Variants in ROBO2 observed in about 807,000 individuals in gnomAD.
ROBO2 encodes the protein roundabout homolog 2.
ROBO2 carries 53 observed loss-of-function variants against 160.8 expected under a neutral mutation model. That is an observed-to-expected ratio of 0.33 (90% CI 0.26 to 0.41). The LOEUF (loss-of-function observed/expected upper bound fraction) is 0.41, where lower values mean the gene tolerates loss of function less well. Ranked by LOEUF, ROBO2 falls within the 10% of genes least tolerant of loss-of-function variation. The pLI, the probability that ROBO2 is intolerant of heterozygous loss-of-function variation, is 1.00. For synonymous variants in ROBO2, 664 were observed against 611.7 expected (o/e 1.09, Z -1.26); for missense variants, 1,577 against 1,722.4 (o/e 0.92, Z 1.49).
chr3:77,483,432 A>G (rs1401051394), intron 4 of ROBO2, among the ~76,000 whole-genome samples: 1 of 152,012 alleles, frequency 6.6e-6, no homozygotes, highest in African/African-American at 2.4e-5. Context: ...TCCTACATCT[A>G]ATACACATTT....
intron 2 of ROBO2, among the ~76,000 whole-genome samples, chr3:75,959,273 G>T (rs995173506): frequency 4.0e-5 from 6 of 151,528 alleles, no homozygotes; most frequent in Non-Finnish European, 8.9e-5. Flanking sequence ...ATTCCCATAC[G>T]TGTTAAAATT....
chr3:77,143,623 C>T (rs1368753633), intron 2 of ROBO2, among the ~76,000 whole-genome samples: 2 of 152,142 alleles, frequency 1.3e-5, no homozygotes, highest in African/African-American at 4.8e-5. Flanking sequence ...AGTGCCTCTT[C>T]TTTTAGCTGT....
intron 2 of ROBO2, among the ~76,000 whole-genome samples, chr3:77,342,971 G>T (rs138478467): frequency 5.9e-4 from 90 of 152,122 alleles, no homozygotes; most frequent in African/African-American, 2.1e-3. Context: ...GTACAGGCAC[G>T]GTCAGGTTCT....
intron 2 of ROBO2, among the ~76,000 whole-genome samples, chr3:76,888,659 A>G (rs958899759): frequency 2.0e-5 from 3 of 152,162 alleles, no homozygotes; most frequent in Non-Finnish European, 2.9e-5. Flanking sequence ...ATGACATCGT[A>G]GTCTTTACCA....
At chr3:76,728,980 G>T (rs1485754611) in intron 2 of ROBO2, among the ~76,000 whole-genome samples, 2 of 151,474 alleles carry the variant, frequency 1.3e-5, no homozygotes, top group African/African-American at 2.4e-5. Flanking sequence ...CTCTGTCTCT[G>T]CCTCTCTCTA....
At chr3:77,475,709 A>G (rs1367365499) in intron 2 of ROBO2, among the ~76,000 whole-genome samples, 1 of 152,212 alleles carries the variant, frequency 6.6e-6, no homozygotes, top group East Asian at 1.9e-4. Flanking sequence ...TTCTGTATTT[A>G]GAATATAAAT....
intron 2 of ROBO2, among the ~76,000 whole-genome samples, chr3:76,505,064 A>T: frequency 6.6e-6 from 1 of 152,246 alleles, no homozygotes; most frequent in East Asian, 1.9e-4. Context: ...TGAAAAGGAG[A>T]GAAAGAAGAA....
At chr3:76,238,754 C>T (rs1404311742) in intron 2 of ROBO2, among the ~76,000 whole-genome samples, 4 of 151,908 alleles carry the variant, frequency 2.6e-5, no homozygotes, top group East Asian at 1.9e-4. Flanking sequence ...ATGAGGAAAA[C>T]CACCTCCATG....
intron 2 of ROBO2, among the ~76,000 whole-genome samples, chr3:77,319,049 C>T (rs1276121158): frequency 2.0e-5 from 3 of 152,122 alleles, no homozygotes; most frequent in Non-Finnish European, 2.9e-5. Flanking sequence ...TTAGTCTGTG[C>T]TCCTTACCCA....
intron 2 of ROBO2, among the ~76,000 whole-genome samples, chr3:76,828,166 T>G (rs2066744021): frequency 6.6e-6 from 1 of 152,188 alleles, no homozygotes; most frequent in South Asian, 2.1e-4. Flanking sequence ...GCTTGCTTTG[T>G]GCCTTTGGAT....
intron 22 of ROBO2, among the ~76,000 whole-genome samples, chr3:77,619,912 T>C (rs978849202): frequency 3.9e-5 from 6 of 152,212 alleles, no homozygotes; most frequent in Non-Finnish European, 8.8e-5. Context: ...ACTTATATAC[T>C]ACTGTCCCTG....
chr3:76,964,517 T>A (rs973944103), intron 2 of ROBO2, among the ~76,000 whole-genome samples: 2 of 151,954 alleles, frequency 1.3e-5, no homozygotes, highest in African/African-American at 4.8e-5. Flanking sequence ...TAATTTTTTG[T>A]AGTTTTTAGT....
intron 2 of ROBO2, among the ~76,000 whole-genome samples, chr3:76,969,245 A>C (rs186433212): frequency 6.6e-6 from 1 of 152,332 alleles, no homozygotes; most frequent in East Asian, 1.9e-4. Flanking sequence ...AAAAGTTAAA[A>C]GATTCCTTAT....
chr3:76,925,271 G>T (rs2076924522), intron 2 of ROBO2, among the ~76,000 whole-genome samples: 1 of 149,398 alleles, frequency 6.7e-6, no homozygotes, highest in Non-Finnish European at 1.5e-5. Context: ...ATAAATATTT[G>T]TTGGATAGAT....
intron 2 of ROBO2, among the ~76,000 whole-genome samples, chr3:77,204,986 C>G (rs879743167): frequency 6.6e-6 from 1 of 152,208 alleles, no homozygotes; most frequent in Admixed American, 6.5e-5. Context: ...GGAGCACAGA[C>G]CGGCAGGTGC....
At chr3:77,339,598 T>C (rs937972308) in intron 2 of ROBO2, among the ~76,000 whole-genome samples, 12 of 152,056 alleles carry the variant, frequency 7.9e-5, no homozygotes, top group Non-Finnish European at 2.9e-5. Flanking sequence ...AAAAGTTGTT[T>C]TGTTTGGTTT....
intron 2 of ROBO2, among the ~76,000 whole-genome samples, chr3:77,131,554 C>T (rs2075855655): frequency 1.3e-5 from 2 of 152,014 alleles, no homozygotes; most frequent in Admixed American, 1.3e-4. Flanking sequence ...ATTGGAGATC[C>T]TTAGGAGATA....
intron 2 of ROBO2, among the ~76,000 whole-genome samples, chr3:76,162,779 C>T (rs1390033974): frequency 6.6e-6 from 1 of 151,982 alleles, no homozygotes; most frequent in Non-Finnish European, 1.5e-5. Flanking sequence ...CATGTGTATA[C>T]TTTTGTATAT....
In ROBO2 at chr3:76,787,328, C is replaced by CCACACACACACACA. The variant is rs60806662; in HGVS notation, c.110-310661_110-310648dup. On this transcript the variant is annotated intron_variant, in intron 2 of 26. Transcript: ENST00000487694. ...TTTCCAGTCATTAAATGTAAACACACCACACACACACACACACACACACAC... is the reference window on the plus strand; with the variant it reads ...TTTCCAGTCATTAAATGTAAACACACCACACACACACACACACACACACACACACACACACACAC... Among the ~76,000 whole-genome samples the CCACACACACACACA allele has an allele frequency of 6.0e-3, 848 of 142,252 alleles. 5 individuals are homozygous for CCACACACACACACA. Among genetic ancestry groups the CCACACACACACACA allele is most frequent in the South Asian group, 0.015 (65 of 4,376 alleles). The allele number at this position is 142,252 out of a possible 152,430, so 93.3% of individuals were successfully genotyped here.
Sources: allele counts gnomAD v4.1 joint callset (sites outside exome capture counted in the v4.1 genomes callset), GRCh38; gene constraint gnomAD v4.1.1; transcripts MANE v1.5; gene names NCBI Gene and HGNC (gene_info 2026-07-23, HGNC 2026-07-21).